The following GABRB3 variants were observed in gnomAD, a reference collection of about 807,000 sequenced individuals.
GABRB3 encodes gamma-aminobutyric acid receptor subunit beta-3.
Under a neutral mutation model 52.1 loss-of-function variants are expected in GABRB3, and 14 were observed. That is an observed-to-expected ratio of 0.27 (90% CI 0.18 to 0.42). GABRB3 has a LOEUF of 0.42. GABRB3 is among the 10% of genes least tolerant of loss of function. The probability of loss-of-function intolerance (pLI) is 1.00; values close to 1 mark genes in which losing one functional copy is unlikely to be tolerated. For synonymous variants in GABRB3, 260 were observed against 232.3 expected (o/e 1.12, Z -1.08); for missense variants, 307 against 609.1 (o/e 0.50, Z 5.22).
chr15:26,738,008 A>T (rs1890107832), intron 3 of GABRB3, among the ~76,000 whole-genome samples: 1 of 152,134 alleles, frequency 6.6e-6, no homozygotes, highest in African/African-American at 2.4e-5. Flanking sequence ...CTGGAAGAGA[A>T]ATTACTAGGC....
intron 3 of GABRB3, among the ~76,000 whole-genome samples, chr15:26,745,676 CTT>C (rs1890318798): frequency 6.6e-6 from 1 of 152,212 alleles, no homozygotes; most frequent in East Asian, 1.9e-4. Flanking sequence ...AATGTGTCCT[CTT>C]TCTCTGTAAT....
intron 3 of GABRB3, among the ~76,000 whole-genome samples, chr15:26,723,795 A>G (rs1408772262): frequency 6.6e-6 from 1 of 152,216 alleles, no homozygotes; most frequent in Non-Finnish European, 1.5e-5. Flanking sequence ...CTGATTATCC[A>G]TGAGGCAAAC....
intron 3 of GABRB3, among the ~76,000 whole-genome samples, chr15:26,690,429 G>C (rs1311345242): frequency 6.6e-6 from 1 of 152,032 alleles, no homozygotes; most frequent in Non-Finnish European, 1.5e-5. Context: ...AAATACATTG[G>C]AGGCACTAAT....
At chr15:26,558,962 TG>T (rs1889870871) in intron 8 of GABRB3, among the ~76,000 whole-genome samples, 2 of 152,334 alleles carry the variant, frequency 1.3e-5, no homozygotes, top group East Asian at 3.9e-4. Context: ...TCTTGGCTTC[TG>T]GGGAAGCCCC....
intron 8 of GABRB3, among the ~76,000 whole-genome samples, chr15:26,554,207 A>ATATATATATATTTATT (rs1348288306): frequency 0.03 from 1,702 of 57,660 alleles, 375 homozygotes; most frequent in Non-Finnish European, 0.058. Context: ...ATATATATAT[A>ATATATATATATTTATT]TAGTAGAAAC....
At chr15:26,635,401 A>T (rs570271662) in intron 3 of GABRB3, among the ~76,000 whole-genome samples, 1 of 152,170 alleles carries the variant, frequency 6.6e-6, no homozygotes, top group South Asian at 2.1e-4. Flanking sequence ...CTATGTTCTT[A>T]AATAGTGATG....
intron 3 of GABRB3, among the ~76,000 whole-genome samples, chr15:26,659,559 G>A (rs1887476910): frequency 6.6e-6 from 1 of 152,038 alleles, no homozygotes; most frequent in South Asian, 2.1e-4. Context: ...TAAATAACAG[G>A]TTAAGTATCA....
At chr15:26,566,675 G>A (rs982143868) in intron 7 of GABRB3, among the ~76,000 whole-genome samples, 9 of 152,074 alleles carry the variant, frequency 5.9e-5, no homozygotes, top group African/African-American at 1.9e-4. Context: ...GCAGTGAGCC[G>A]TAATCGCAAT....
chr15:26,695,103 A>C (rs1053382993), intron 3 of GABRB3, among the ~76,000 whole-genome samples: 2 of 152,214 alleles, frequency 1.3e-5, no homozygotes, highest in African/African-American at 4.8e-5. Flanking sequence ...GTAATAACAG[A>C]AGAAAGACAG....
intron 6 of GABRB3, among the ~76,000 whole-genome samples, chr15:26,571,438 G>C (rs1435369850): frequency 3.3e-5 from 5 of 152,196 alleles, no homozygotes; most frequent in African/African-American, 9.7e-5. Context: ...TATGTCAGGA[G>C]AACGGGAATG....
At chr15:26,565,296 GA>G (rs1466870895) in intron 7 of GABRB3, among the ~76,000 whole-genome samples, 1 of 152,158 alleles carries the variant, frequency 6.6e-6, no homozygotes, top group African/African-American at 2.4e-5. Flanking sequence ...TGGCAGGAGG[GA>G]CAGAGGGAAT....
At chr15:26,625,584 G>A (rs1229701310) in intron 3 of GABRB3, 19 of 241,044 alleles carry the variant, frequency 7.9e-5, no homozygotes, top group Non-Finnish European at 1.1e-4. Context: ...AAGGATTAAA[G>A]GAATAGCAGA....
At chr15:26,658,617 C>T (rs1052826756) in intron 3 of GABRB3, 14 of 152,198 alleles carry the variant, frequency 9.2e-5, no homozygotes, top group Admixed American at 8.5e-4. Context: ...ATGGTCAGGC[C>T]TTCTGTTAGC....
At chr15:26,631,103 C>A (rs999130596) in intron 3 of GABRB3, among the ~76,000 whole-genome samples, 3 of 152,140 alleles carry the variant, frequency 2.0e-5, no homozygotes, top group South Asian at 2.1e-4. Context: ...GTAGAGGAAG[C>A]CCTGAGTGCC....
chr15:26,769,933 G>A (rs1198734446), intron 3 of GABRB3, among the ~76,000 whole-genome samples: 1 of 152,036 alleles, frequency 6.6e-6, no homozygotes, highest in Non-Finnish European at 1.5e-5. Flanking sequence ...TTAGTTTTGT[G>A]TGACCAGTAA....
At chr15:26,591,232 C>T (rs889784372) in intron 4 of GABRB3, among the ~76,000 whole-genome samples, 5 of 152,172 alleles carry the variant, frequency 3.3e-5, no homozygotes, top group Non-Finnish European at 5.9e-5. Context: ...ACACAGCACT[C>T]TTGCGGCAAT....
At chr15:26,719,032 C>G (rs536959151) in intron 3 of GABRB3, among the ~76,000 whole-genome samples, 1 of 152,278 alleles carries the variant, frequency 6.6e-6, no homozygotes, top group South Asian at 2.1e-4. Flanking sequence ...TCATGGTCCC[C>G]ACCGCCACCT....
Position 26,553,777 on chromosome 15 carries a change from C to T in GABRB3, c.1081-5643G>A, listed in dbSNP as rs139254532. Among the ~76,000 whole-genome samples the T allele has an allele frequency of 3.3e-5, 5 of 152,016 alleles. No individual in the cohort carries two copies. In the East Asian group the frequency reaches 9.7e-4, roughly 30 times the overall value. On this transcript the variant is annotated intron_variant, in intron 8 of 8. Transcript: ENST00000311550. The stretch of plus-strand genomic sequence containing the variant: ...CTTAGTCAGGAGCACAAAGTGAACA[C>T]AAGAAGGTCCTCACCCTCAAGGGGT...
chr15:26,756,340 C>T (rs7170907), intron 3 of GABRB3, among the ~76,000 whole-genome samples: 64,626 of 150,614 alleles, frequency 0.43, 14,753 homozygotes, highest in African/African-American at 0.6. Context: ...GAAACCGAGG[C>T]GGGTGGATCA....
Sources: gnomAD v4.1 joint callset for allele counts (sites outside exome capture counted in the v4.1 genomes callset) on GRCh38, gnomAD v4.1.1 for gene constraint, MANE v1.5 for transcripts, NCBI Gene and HGNC (gene_info 2026-07-23, HGNC 2026-07-21) for gene names.